C13orf42: variants seen among roughly 807,000 people sequenced by gnomAD.
C13orf42 encodes the protein chromosome 13 open reading frame 42, also known as uncharacterized protein C13orf42.
chr13:51,109,398 G>GA (rs1319862499), intron 1 of C13orf42, among the ~76,000 whole-genome samples: 1 of 152,156 alleles, frequency 6.6e-6, no homozygotes, highest in East Asian at 1.9e-4. Context: ...TGGTCATCAG[G>GA]AAAATGACTG....
rs1953078530 is a variant in C13orf42, at chr13:51,082,882, A to T, written c.*1269T>A. Reference sequence around the variant, plus strand: ...GCTGTTTTTTATTTGTAAGAGTTACATATTCTTAGATTCATATGATCAGGT... The same window carrying T: ...GCTGTTTTTTATTTGTAAGAGTTACTTATTCTTAGATTCATATGATCAGGT... On this transcript the variant is annotated 3_prime_UTR_variant, in exon 4 of 4. Transcript: ENST00000563710. 1 of 152,250 alleles carries T rather than the reference A, an allele frequency of 6.6e-6. No homozygotes were observed. Among genetic ancestry groups the T allele is most frequent in the Admixed American group, 6.5e-5 (1 of 15,292 alleles). The allele number at this position is 152,250 out of a possible 1,614,324, so 9.4% of individuals were successfully genotyped here. A position where few individuals can be genotyped will look rare whatever the true frequency, so the allele number is the denominator to read the frequency against.
intron 1 of C13orf42, among the ~76,000 whole-genome samples, chr13:51,171,110 C>T (rs1056566634): frequency 9.2e-5 from 14 of 152,180 alleles, no homozygotes; most frequent in Middle Eastern, 3.4e-3. Context: ...CTGGGCTTGC[C>T]TCCTTCACTA....
At chr13:51,090,825 G>T (rs1021739513) in intron 1 of C13orf42, among the ~76,000 whole-genome samples, 5 of 152,112 alleles carry the variant, frequency 3.3e-5, no homozygotes, top group African/African-American at 1.2e-4. Flanking sequence ...GTCTTGTTGT[G>T]AATCTCCTGA....
At chr13:51,089,404 G>A (rs937069673) in intron 1 of C13orf42, among the ~76,000 whole-genome samples, 21 of 152,150 alleles carry the variant, frequency 1.4e-4, no homozygotes, top group Admixed American at 1.1e-3. Context: ...CCCACATGTC[G>A]AGGGAGAGAC....
intron 1 of C13orf42, among the ~76,000 whole-genome samples, chr13:51,123,313 T>TA (rs1953550978): frequency 6.6e-6 from 1 of 152,228 alleles, no homozygotes; most frequent in Non-Finnish European, 1.5e-5. Context: ...GGGCTCTGCT[T>TA]AGCCTCTTGG....
chr13:51,171,719 A>C (rs913456573), intron 1 of C13orf42, among the ~76,000 whole-genome samples: 3 of 152,150 alleles, frequency 2.0e-5, no homozygotes, highest in African/African-American at 7.2e-5. Context: ...GCTGGAGCTA[A>C]AGGCATAGTC....
chr13:51,139,129 C>G (rs981981721), intron 1 of C13orf42, among the ~76,000 whole-genome samples: 1 of 152,052 alleles, frequency 6.6e-6, no homozygotes, highest in African/African-American at 2.4e-5. Flanking sequence ...CTAGTCTGAC[C>G]AGCATGGTGA....
At chr13:51,121,167 G>A (rs540910282) in intron 1 of C13orf42, among the ~76,000 whole-genome samples, 73 of 152,270 alleles carry the variant, frequency 4.8e-4, no homozygotes, top group Non-Finnish European at 8.8e-5. Context: ...CACTCAGAAG[G>A]GCGCGCAGCT....
intron 1 of C13orf42, among the ~76,000 whole-genome samples, chr13:51,120,970 C>T (rs182972818): frequency 6.9e-4 from 105 of 152,292 alleles, no homozygotes; most frequent in African/African-American, 2.4e-3. Context: ...GCTGAGATCA[C>T]GCCACTGCAC....
intron 1 of C13orf42, among the ~76,000 whole-genome samples, chr13:51,104,990 G>C (rs893662371): frequency 6.6e-6 from 1 of 152,206 alleles, no homozygotes; most frequent in Non-Finnish European, 1.5e-5. Flanking sequence ...GCAATCGGCT[G>C]TCTAACATGC....
intron 1 of C13orf42, among the ~76,000 whole-genome samples, chr13:51,136,267 T>G (rs1216002322): frequency 1.3e-5 from 2 of 152,162 alleles, no homozygotes; most frequent in Non-Finnish European, 2.9e-5. Flanking sequence ...TTTGTTCCAC[T>G]GGTAGGAAGA....
At chr13:51,094,333 C>T (rs74085507) in intron 1 of C13orf42, among the ~76,000 whole-genome samples, 7,983 of 152,180 alleles carry the variant, frequency 0.052, 669 homozygotes, top group African/African-American at 0.18. Context: ...TGAGGAAATA[C>T]TAATCTTTTA....
chr13:51,118,471 G>T (rs1027178812), intron 1 of C13orf42, among the ~76,000 whole-genome samples: 2 of 152,166 alleles, frequency 1.3e-5, no homozygotes, highest in African/African-American at 4.8e-5. Flanking sequence ...CCAAGTGTTG[G>T]GCCACCAGGC....
intron 1 of C13orf42, among the ~76,000 whole-genome samples, chr13:51,129,241 T>A (rs1953597363): frequency 6.6e-6 from 1 of 152,168 alleles, no homozygotes; most frequent in Admixed American, 6.5e-5. Context: ...AAACAGAATA[T>A]CTGTGTGTCA....
intron 1 of C13orf42, among the ~76,000 whole-genome samples, chr13:51,094,548 A>G (rs1410675291): frequency 6.6e-6 from 1 of 152,128 alleles, no homozygotes; most frequent in Non-Finnish European, 1.5e-5. Flanking sequence ...AAACCCACAA[A>G]TTGTATTTTT....
intron 1 of C13orf42, among the ~76,000 whole-genome samples, chr13:51,151,980 G>A (rs894168407): frequency 6.6e-6 from 1 of 152,182 alleles, no homozygotes; most frequent in Non-Finnish European, 1.5e-5. Context: ...TAGAAATGCA[G>A]AATCTCTGGC....
intron 1 of C13orf42, among the ~76,000 whole-genome samples, chr13:51,103,176 G>A (rs937211919): frequency 3.9e-5 from 6 of 152,146 alleles, no homozygotes; most frequent in African/African-American, 1.4e-4. Flanking sequence ...TGGCTCTGTC[G>A]CCAGCCTCCC....
At position 51,084,133 on chromosome 13, in the gene C13orf42, C is replaced by T. The variant is rs1348115073; in HGVS notation, c.*18G>A. Reference sequence around the variant, plus strand: ...CTCAGGGACCCAGTCTGAGACACGTCAAGGAATCCAGATGGAGTCAGGGCA... The same window carrying T: ...CTCAGGGACCCAGTCTGAGACACGTTAAGGAATCCAGATGGAGTCAGGGCA... On this transcript the variant is annotated 3_prime_UTR_variant, in exon 4 of 4. Transcript: ENST00000563710. 2.5e-6 allele frequency: 1 copy of T among 398,564 alleles called. No homozygotes were observed. Among genetic ancestry groups the T allele is most frequent in the Non-Finnish European group, 4.4e-6 (1 of 226,116 alleles). 24.7% of individuals were successfully genotyped at this position (398,564 alleles called of 1,614,324 possible).
rs974801678 is a variant in C13orf42 at position 51,083,556 on chromosome 13, C to A, written c.*595G>T. 6.6e-6 allele frequency: 1 copy of A among 152,198 alleles called. No homozygotes were observed. The highest frequency in any genetic ancestry group is 1.5e-5 in the Non-Finnish European group (1 of 68,040). The allele number at this position is 152,198 out of a possible 1,614,324, so 9.4% of individuals were successfully genotyped here. A position where few individuals can be genotyped will look rare whatever the true frequency, so the allele number is the denominator to read the frequency against. The stretch of plus-strand genomic sequence containing the variant: ...AGGCAGGCTCGTGACATACCCCTTC[C>A]CTCACCCCATTGCCAGGGCATTAGC... On this transcript the variant is annotated 3_prime_UTR_variant, in exon 4 of 4. Coordinates refer to ENST00000563710, the MANE Select transcript of C13orf42 (RefSeq NM_001351589.3).
Sources: allele counts gnomAD v4.1 joint callset (sites outside exome capture counted in the v4.1 genomes callset), GRCh38; gene constraint gnomAD v4.1.1; transcripts MANE v1.5; gene names NCBI Gene and HGNC (gene_info 2026-07-23, HGNC 2026-07-21).